PIK3C2G: variants seen among roughly 807,000 people sequenced by gnomAD.
PIK3C2G encodes the protein phosphatidylinositol-4-phosphate 3-kinase catalytic subunit type 2 gamma.
PIK3C2G carries 168 observed loss-of-function variants against 181.1 expected under a neutral mutation model. The ratio of observed to expected loss-of-function variants is 0.93; its 90% CI spans 0.82 to 1.05. The LOEUF (loss-of-function observed/expected upper bound fraction) is 1.05, where lower values mean the gene tolerates loss of function less well. PIK3C2G is among the 50% of genes least tolerant of loss of function. The probability of loss-of-function intolerance (pLI) is 0.00; values close to 1 mark genes in which losing one functional copy is unlikely to be tolerated. For missense variants in PIK3C2G, 1,869 were observed against 1,732.8 expected (o/e 1.08, Z -1.40); for synonymous variants, 573 against 592.2 (o/e 0.97, Z 0.47).
rs1166738588 is a variant in PIK3C2G, at chr12:18,292,253, T to TATATATATAC, written c.919+1243_919+1244insATATATACAT. Among the ~76,000 whole-genome samples, 7 of 135,596 alleles carry TATATATATAC rather than the reference T, an allele frequency of 5.2e-5. No homozygotes were observed. The East Asian group carries it at 6.2e-4, about 12-fold the overall frequency. The allele number at this position is 135,596 out of a possible 152,430, so 89.0% of individuals were successfully genotyped here. Reference sequence around the variant, plus strand: ...ATATATATATATATATATATATATATATGGATTTATTATAGAATTCAAGTA... The same window carrying TATATATATAC: ...ATATATATATATATATATATATATATATATATATACATGGATTTATTATAGAATTCAAGTA... On this transcript the variant is annotated intron_variant, in intron 4 of 32. Coordinates refer to ENST00000538779, the MANE Select transcript of PIK3C2G (RefSeq NM_001288772.2).
downstream of PIK3C2G, among the ~76,000 whole-genome samples, chr12:18,649,593 C>T (rs891916456): frequency 2.6e-5 from 4 of 152,136 alleles, no homozygotes; most frequent in African/African-American, 9.7e-5. Context: ...AAATGGTTGT[C>T]TTTACTGCCT....
rs141046553 is a variant in PIK3C2G at position 18,490,927 on chromosome 12, A to G, written c.2686-524A>G. ...AGAAATATACTCATTGATGTCCAGT[A>G]AACTATTTGTTCCTACATATTATCA... On this transcript the variant is annotated intron_variant, in intron 19 of 32. Transcript: ENST00000538779. 1.5e-3 allele frequency among the ~76,000 whole-genome samples: 232 copies of G among 152,292 alleles called. 1 individual carries two copies. Among genetic ancestry groups the G allele is most frequent in the African/African-American group, 5.2e-3 (215 of 41,574 alleles).
chr12:18,311,971 A>G (rs774911525), intron 5 of PIK3C2G, among the ~76,000 whole-genome samples: 2 of 152,176 alleles, frequency 1.3e-5, no homozygotes, highest in Non-Finnish European at 2.9e-5. Context: ...CTGATGTTTG[A>G]GAGCAGGAAG....
intron 18 of PIK3C2G, among the ~76,000 whole-genome samples, chr12:18,433,001 A>C (rs1946249159): frequency 6.6e-6 from 1 of 151,870 alleles, no homozygotes; most frequent in Admixed American, 6.6e-5. Flanking sequence ...TTAACTTAAG[A>C]GCAAAACTGA....
intron 9 of PIK3C2G, 70 bp downstream of exon 9, chr12:18,338,618 A>T: frequency 9.9e-7 from 1 of 1,011,128 alleles, no homozygotes; most frequent in Non-Finnish European, 1.5e-6. Context: ...AGAGTGAAAG[A>T]CTTTTTACTA....
chr12:18,379,835 A>G (rs1345553097), intron 13 of PIK3C2G, among the ~76,000 whole-genome samples: 2 of 152,132 alleles, frequency 1.3e-5, no homozygotes, highest in East Asian at 3.9e-4. Context: ...GGATGGTCCT[A>G]TCACATGCCC....
At chr12:18,530,521 A>G (rs1457036733) in intron 24 of PIK3C2G, among the ~76,000 whole-genome samples, 1 of 151,888 alleles carries the variant, frequency 6.6e-6, no homozygotes, top group Non-Finnish European at 1.5e-5. Flanking sequence ...TCCATTCCTT[A>G]CCTCTTGTTC....
intron 7 of PIK3C2G, among the ~76,000 whole-genome samples, chr12:18,324,296 A>G (rs992948942): frequency 4.6e-5 from 7 of 152,088 alleles, no homozygotes; most frequent in African/African-American, 1.7e-4. Flanking sequence ...TACATATTCT[A>G]TGCATTTTGT....
intron 24 of PIK3C2G, among the ~76,000 whole-genome samples, chr12:18,506,871 C>T (rs141551946): frequency 2.0e-3 from 303 of 152,006 alleles, no homozygotes; most frequent in Non-Finnish European, 3.2e-3. Flanking sequence ...ATAATGTGAT[C>T]GAATTTATAC....
intron 29 of PIK3C2G, among the ~76,000 whole-genome samples, chr12:18,592,369 CATGTA>C (rs924363747): frequency 6.6e-6 from 1 of 151,604 alleles, no homozygotes; most frequent in Non-Finnish European, 1.5e-5. Context: ...CTTGGGAGAA[CATGTA>C]ATATAAAAGC....
downstream of PIK3C2G, among the ~76,000 whole-genome samples, chr12:18,650,329 CTCTA>C (rs1438826812): frequency 4.9e-5 from 4 of 82,440 alleles, no homozygotes; most frequent in African/African-American, 1.9e-4. Context: ...CTCTCTCTCT[CTCTA>C]TATATATATA....
Position 18,371,275 on chromosome 12 carries a change from T to C in PIK3C2G, c.1844T>C (p.Leu615Ser), listed in dbSNP as rs1467929596. The change falls in exon 13 of 33, where the codon TTA (leucine) becomes TCA (serine). Residue 615 changes from leucine (L) to serine (S), a missense_variant. Physicochemically the swap from Leu to Ser is moderately radical, Grantham distance 145 (BLOSUM62 -2). Transcript: ENST00000538779. The stretch of plus-strand genomic sequence containing the variant: ...GCCTGTGCAACCAACAATGCAAATT[T>C]ACTGGCGTGGACTTGTCTTCCACTG... ...GIACATNNAN[L>S]LAWTCLPLFP... The C allele has an allele frequency of 4.3e-6, 7 of 1,612,448 alleles. No homozygotes were observed. Among genetic ancestry groups the C allele is most frequent in the Non-Finnish European group, 5.1e-6 (6 of 1,179,144 alleles).
the PIK3C2G span, among the ~76,000 whole-genome samples, chr12:18,661,672 AG>A: frequency 1.5e-4 from 23 of 152,142 alleles, no homozygotes; most frequent in Non-Finnish European, 2.9e-4. Context: ...TGTGGAGAAA[AG>A]GGGATGCTTA....
intron 16 of PIK3C2G, among the ~76,000 whole-genome samples, chr12:18,411,112 G>A (rs1167444353): frequency 6.6e-6 from 1 of 152,028 alleles, no homozygotes; most frequent in Non-Finnish European, 1.5e-5. Flanking sequence ...AGTCCAGTTA[G>A]ACAGATTACA....
rs57853875 is a variant in PIK3C2G at position 18,475,373 on chromosome 12, AACACACACACACACACACAC to A, written c.2505-13059_2505-13040del. On this transcript the variant is annotated intron_variant, in intron 18 of 32. Coordinates refer to ENST00000538779, the MANE Select transcript of PIK3C2G (RefSeq NM_001288772.2). Reference sequence around the variant, plus strand: ...CTCTCTCAATCTCACCCACCACCCCAACACACACACACACACACACACACACACACACACACCATTTTTTT... The same window carrying A: ...CTCTCTCAATCTCACCCACCACCCCAACACACACACACACACCATTTTTTT... Among the ~76,000 whole-genome samples, 3 of 139,834 alleles carry A rather than the reference AACACACACACACACACACAC, an allele frequency of 2.1e-5. No homozygotes were observed. In the East Asian group the frequency reaches 6.4e-4, roughly 30 times the overall value. The allele number at this position is 139,834 out of a possible 152,430, so 91.7% of individuals were successfully genotyped here. A position where few individuals can be genotyped will look rare whatever the true frequency, so the allele number is the denominator to read the frequency against.
At chr12:18,565,877 C>G (rs1005951773) in intron 28 of PIK3C2G, among the ~76,000 whole-genome samples, 1 of 152,136 alleles carries the variant, frequency 6.6e-6, no homozygotes, top group African/African-American at 2.4e-5. Flanking sequence ...CCTAATCTCT[C>G]ATTTATCAAA....
intron 1 of PIK3C2G, 92 bp from the exon 2 acceptor site, chr12:18,281,912 A>G (rs1343366454): frequency 1.8e-6 from 1 of 558,938 alleles, no homozygotes; most frequent in Non-Finnish European, 3.2e-6. Context: ...AGCCCACAAA[A>G]CAGTTAGTTA....
intron 18 of PIK3C2G, among the ~76,000 whole-genome samples, chr12:18,469,328 C>A (rs1036207944): frequency 1.3e-5 from 2 of 152,056 alleles, no homozygotes; most frequent in African/African-American, 4.8e-5. Flanking sequence ...GCTTTCGACT[C>A]TGCTTAAAAT....
the PIK3C2G span, among the ~76,000 whole-genome samples, chr12:18,687,816 T>A: frequency 1.3e-5 from 2 of 152,072 alleles, no homozygotes; most frequent in African/African-American, 2.4e-5. Flanking sequence ...TTCGGTGATA[T>A]GAGAGAAAAC....
Sources: allele counts gnomAD v4.1 joint callset (sites outside exome capture counted in the v4.1 genomes callset), GRCh38; gene constraint gnomAD v4.1.1; transcripts MANE v1.5; gene names NCBI Gene and HGNC (gene_info 2026-07-23, HGNC 2026-07-21).